AFAP1L2: variants seen among roughly 807,000 people sequenced by gnomAD.
AFAP1L2 encodes actin filament associated protein 1 like 2, also known as actin filament-associated protein 1-like 2.
AFAP1L2 carries 46 observed loss-of-function variants against 99.3 expected under a neutral mutation model. The observed-to-expected ratio is 0.46, with a 90% CI of 0.37 to 0.59. The LOEUF is 0.59. Ranked by LOEUF, AFAP1L2 falls within the 20% of genes least tolerant of loss-of-function variation. The pLI is 0.00. For synonymous variants in AFAP1L2, 397 were observed against 419.1 expected (o/e 0.95, Z 0.64); for missense variants, 959 against 1,034.9 (o/e 0.93, Z 1.01).
chr10:114,326,123 TG>T lies in AFAP1L2; in HGVS notation c.316-2863del, dbSNP rs1023780241. The T allele has an allele frequency of 4.6e-5, 52 of 1,124,932 alleles. No homozygotes were observed. The African/African-American group carries it at 6.9e-4, about 15-fold the overall frequency. The allele number at this position is 1,124,932 out of a possible 1,614,324, so 69.7% of individuals were successfully genotyped here. A position where few individuals can be genotyped will look rare whatever the true frequency, so the allele number is the denominator to read the frequency against. ...TCATCATCACCACAGGGTCTGTCCC[TG>T]GGGGCCTCCTGTCCTGTCTAGGGTG... On this transcript the variant is annotated intron_variant, in intron 4 of 18. Coordinates refer to ENST00000304129, the MANE Select transcript of AFAP1L2 (RefSeq NM_001001936.3).
At chr10:114,327,680 T>C (rs970561456) in intron 4 of AFAP1L2, among the ~76,000 whole-genome samples, 1 of 152,194 alleles carries the variant, frequency 6.6e-6, no homozygotes, top group African/African-American at 2.4e-5. Context: ...AGCTCAGAAG[T>C]CCACAGACTA....
chr10:114,343,921 A>T (rs551272222), intron 1 of AFAP1L2, among the ~76,000 whole-genome samples: 7 of 152,278 alleles, frequency 4.6e-5, no homozygotes, highest in Admixed American at 1.3e-4. Flanking sequence ...TGGATGACTG[A>T]GCCGAACCAG....
intron 2 of AFAP1L2, among the ~76,000 whole-genome samples, chr10:114,334,498 A>G (rs2135696297): frequency 6.6e-6 from 1 of 152,362 alleles, no homozygotes; most frequent in African/African-American, 2.4e-5. Context: ...GCACGACCAC[A>G]GACCGCCCAA....
chr10:114,404,102 A>C (rs181374205), intron 1 of AFAP1L2, among the ~76,000 whole-genome samples: 209 of 152,270 alleles, frequency 1.4e-3, no homozygotes, highest in African/African-American at 4.9e-3. Context: ...CCTCGGCCCC[A>C]GGCATCTTTC....
At chr10:114,351,313 A>C (rs1361796310) in intron 1 of AFAP1L2, among the ~76,000 whole-genome samples, 1 of 152,154 alleles carries the variant, frequency 6.6e-6, no homozygotes, top group African/African-American at 2.4e-5. Context: ...TTTCATTTGG[A>C]GCCGTAAATC....
the AFAP1L2 span, among the ~76,000 whole-genome samples, chr10:114,288,656 A>G: frequency 1.3e-5 from 2 of 152,252 alleles, no homozygotes; most frequent in Non-Finnish European, 2.9e-5. Flanking sequence ...TTCCAGCTGC[A>G]TGAGTTTGAA....
At chr10:114,290,119 C>A, downstream of AFAP1L2, 2 of 1,358,316 alleles carry the variant, frequency 1.5e-6, no homozygotes, top group Non-Finnish European at 2.0e-6. Context: ...CATGAGCTAC[C>A]GGGGCAAAGG....
At chr10:114,349,520 C>G (rs2050134846) in intron 1 of AFAP1L2, among the ~76,000 whole-genome samples, 1 of 148,866 alleles carries the variant, frequency 6.7e-6, no homozygotes, top group Admixed American at 6.7e-5. Context: ...GAGTTCAAAT[C>G]CAGCCTGGGC....
At chr10:114,329,325 A>G (rs1011304282) in intron 4 of AFAP1L2, among the ~76,000 whole-genome samples, 2 of 152,312 alleles carry the variant, frequency 1.3e-5, no homozygotes, top group South Asian at 2.1e-4. Flanking sequence ...CCGTGGCCCA[A>G]TTAACTTACA....
intron 2 of AFAP1L2, among the ~76,000 whole-genome samples, chr10:114,338,068 G>A (rs1351586160): frequency 2.0e-5 from 3 of 152,236 alleles, no homozygotes; most frequent in African/African-American, 7.2e-5. Context: ...GAGAGGCTAA[G>A]GCAGATGATT....
Position 114,295,734 on chromosome 10 carries a change from A to G in AFAP1L2, c.*308T>C, listed in dbSNP as rs1455276951. ...CTAAACAGGAGGTTTTCACTATTTAAAAATCTTAGTAAAGCAATTGATGAC... is the reference window on the plus strand; with the variant it reads ...CTAAACAGGAGGTTTTCACTATTTAGAAATCTTAGTAAAGCAATTGATGAC... On this transcript the variant is annotated 3_prime_UTR_variant, in exon 19 of 19. Transcript: ENST00000304129. 3 of 1,111,774 alleles carry G rather than the reference A, an allele frequency of 2.7e-6. No individual in the cohort carries two copies. Among genetic ancestry groups the G allele is most frequent in the Non-Finnish European group, 2.2e-6 (2 of 910,316 alleles). The allele number at this position is 1,111,774 out of a possible 1,614,324, so 68.9% of individuals were successfully genotyped here.
At chr10:114,381,830 CCAA>C (rs2055657854) in intron 1 of AFAP1L2, among the ~76,000 whole-genome samples, 1 of 151,638 alleles carries the variant, frequency 6.6e-6, no homozygotes, top group East Asian at 1.9e-4. Flanking sequence ...GACTAACAAT[CCAA>C]CAACAACAAA....
intron 5 of AFAP1L2, chr10:114,319,692 G>C (rs1472288648): frequency 1.6e-6 from 2 of 1,257,260 alleles, no homozygotes. Flanking sequence ...AAGAGAGACA[G>C]AATGAAGAGA....
At position 114,377,029 on chromosome 10, in the gene AFAP1L2, T is replaced by C. The variant is rs2054902755; in HGVS notation, c.16+27411A>G. Among the ~76,000 whole-genome samples, 1 of 152,122 alleles carries C rather than the reference T, an allele frequency of 6.6e-6. No homozygotes were observed. The highest frequency in any genetic ancestry group is 1.5e-5 in the Non-Finnish European group (1 of 68,024). ...ACAGGGAAGGTGAAGGGCACTCAAC[T>C]TGGTGTTTTCAAATATCACTGGGGG... On this transcript the variant is annotated intron_variant, in intron 1 of 18. Transcript: ENST00000304129. The surrounding 1 kb of genome is among the most constrained non-coding windows in gnomAD (Gnocchi z 4.0).
chr10:114,404,289 T>C (rs1565117892), intron 1 of AFAP1L2, 151 bp downstream of exon 1: 4 of 911,786 alleles, frequency 4.4e-6, no homozygotes, highest in East Asian at 2.9e-5. Flanking sequence ...GCGGCGCCGC[T>C]GTCGCCCCCT....
intron 7 of AFAP1L2, among the ~76,000 whole-genome samples, chr10:114,310,690 TGGG>T (rs2043094679): frequency 2.6e-5 from 4 of 152,166 alleles, no homozygotes; most frequent in African/African-American, 9.7e-5. Flanking sequence ...CACACGTTCA[TGGG>T]CATGCGAGGG....
At position 114,391,221 on chromosome 10, in the gene AFAP1L2, CTTTT is replaced by C. The variant is rs1282903786; in HGVS notation, c.16+13215_16+13218del. Among the ~76,000 whole-genome samples the C allele has an allele frequency of 2.0e-5, 3 of 151,310 alleles. No homozygotes were observed. In the South Asian group the frequency reaches 6.3e-4, roughly 32 times the overall value. ...CATTCAGTTCCTGTTTCTTTCTTTT[CTTTT>C]TTTCTTTTTTTTTAGACAGAGTCTC... On this transcript the variant is annotated intron_variant, in intron 1 of 18. Transcript: ENST00000304129.
the AFAP1L2 span, among the ~76,000 whole-genome samples, chr10:114,282,012 G>A: frequency 0.019 from 1,115 of 57,976 alleles, 25 homozygotes; most frequent in African/African-American, 0.067. Flanking sequence ...GCCAGCTTAT[G>A]TTACCTTTTT....
At chr10:114,370,864 C>T (rs552899061) in intron 1 of AFAP1L2, among the ~76,000 whole-genome samples, 1 of 152,328 alleles carries the variant, frequency 6.6e-6, no homozygotes, top group East Asian at 1.9e-4. Context: ...TTCTCTCCAT[C>T]TGGAATTCCT....
Sources: allele counts gnomAD v4.1 joint callset (sites outside exome capture counted in the v4.1 genomes callset), GRCh38; gene constraint gnomAD v4.1.1; non-coding constraint Gnocchi (gnomAD v3.1); transcripts MANE v1.5; gene names NCBI Gene and HGNC (gene_info 2026-07-23, HGNC 2026-07-21).